The following MARCKS variants were observed in gnomAD, a reference collection of about 807,000 sequenced individuals.
The protein encoded by MARCKS is myristoylated alanine rich protein kinase C substrate.
MARCKS carries 4 observed loss-of-function variants against 6.3 expected under a neutral mutation model. The observed-to-expected ratio is 0.63, with a 90% confidence interval of 0.31 to 1.45. MARCKS has a LOEUF of 1.45. MARCKS is among the 40% of genes most tolerant of loss of function. MARCKS has a pLI of 0.07. For synonymous variants in MARCKS, 289 were observed against 236.5 expected, an observed-to-expected ratio of 1.22 and a Z score of -2.04; for missense variants, 636 against 485.7, an observed-to-expected ratio of 1.31 and a Z score of -2.91.
At chr6:113,858,266 CG>C (rs3837006) in intron 1 of MARCKS, among the ~76,000 whole-genome samples, 44 of 111,558 alleles carry the variant, frequency 3.9e-4, no homozygotes, top group Admixed American at 5.9e-4. Flanking sequence ...TTGTGTGTGG[CG>C]GGGGGGGGAG....
intron 1 of MARCKS, among the ~76,000 whole-genome samples, chr6:113,858,731 A>G (rs540089435): frequency 3.9e-5 from 6 of 152,322 alleles, no homozygotes; most frequent in African/African-American, 1.4e-4. Context: ...CTCTTTTCCT[A>G]GAGAAGAGAT....
At chr6:113,858,526 C>T (rs1022512028) in intron 1 of MARCKS, among the ~76,000 whole-genome samples, 2 of 152,200 alleles carry the variant, frequency 1.3e-5, no homozygotes, top group African/African-American at 4.8e-5. Context: ...TCGGTGGGTC[C>T]TTTAAGAACC....
Position 113,860,248 on chromosome 6 carries a change from C to T in MARCKS, c.668C>T (p.Ala223Val). 9.2e-7 allele frequency: 1 copy of T among 1,084,010 alleles called. No individual in the cohort carries two copies. The highest frequency in any genetic ancestry group is 1.1e-6 in the Non-Finnish European group (1 of 888,520). 67.1% of individuals were successfully genotyped at this position (1,084,010 alleles called of 1,614,324 possible). ...EQAAAPGEEAAAGEEGAAGGD... is the reference protein window; with the variant it reads ...EQAAAPGEEAVAGEEGAAGGD... Reference sequence around the variant, plus strand: ...GCAGCGGCGCCGGGCGAGGAGGCGGCAGCGGGCGAGGAGGGGGCGGCGGGT... The same window carrying T: ...GCAGCGGCGCCGGGCGAGGAGGCGGTAGCGGGCGAGGAGGGGGCGGCGGGT... The change falls in exon 2 of 2, where the codon GCA becomes GTA. Residue 223 changes from alanine to valine, a missense_variant. Physicochemically the swap from Ala to Val is moderately conservative, Grantham distance 64 (BLOSUM62 0). Transcript: ENST00000612661.
chr6:113,859,214 G>T (rs1327365278), intron 1 of MARCKS, among the ~76,000 whole-genome samples: 1 of 152,216 alleles, frequency 6.6e-6, no homozygotes, highest in Non-Finnish European at 1.5e-5. Context: ...CTGGTATTTT[G>T]AAGAGGCCTT....
At chr6:113,858,992 G>A (rs1774832016) in intron 1 of MARCKS, among the ~76,000 whole-genome samples, 1 of 152,090 alleles carries the variant, frequency 6.6e-6, no homozygotes, top group African/African-American at 2.4e-5. Flanking sequence ...TGCGCGATCC[G>A]GGCTCGGGGG....
rs779621026 is a variant in MARCKS at position 113,857,774 on chromosome 6, C to T, written c.29C>T (p.Ala10Val). 29 of 1,608,852 alleles carry T rather than the reference C, an allele frequency of 1.8e-5. No individual in the cohort carries two copies. The highest frequency in any genetic ancestry group is 2.5e-5 in the Non-Finnish European group (29 of 1,177,890). MGAQFSKTA[A>V]KGEAAAERPG... is the part of the protein sequence containing the mutation. The stretch of plus-strand genomic sequence containing the variant: ...GGTGCCCAGTTCTCCAAGACCGCAG[C>T]GAAGGGAGAAGCCGCCGCGGAGAGG... The change falls in exon 1 of 2, where the codon GCG becomes GTG. Residue 10 changes from alanine to valine, a missense_variant. Transcript: ENST00000612661.
chr6:113,857,509 C>G lies in MARCKS; in HGVS notation c.-237C>G, dbSNP rs1312298339. ...GTGCTCGACTTTTCCACCCTTTTTC[C>G]CTCCCTCCTGTGCTGCTGCTTTTTG... On this transcript the variant is annotated 5_prime_UTR_variant, in exon 1 of 2. Transcript: ENST00000612661. The G allele has an allele frequency of 2.1e-5, 10 of 481,816 alleles. No homozygotes were observed. Among genetic ancestry groups the G allele is most frequent in the Non-Finnish European group, 3.7e-5 (10 of 273,626 alleles). The allele number at this position is 481,816 out of a possible 1,614,324, so 29.8% of individuals were successfully genotyped here. A position where few individuals can be genotyped will look rare whatever the true frequency, so the allele number is the denominator to read the frequency against.
In MARCKS at chr6:113,859,927, C is replaced by G. The variant is rs761352233; in HGVS notation, c.347C>G (p.Pro116Arg). The change falls in exon 2 of 2, where the codon CCC becomes CGC. Residue 116 changes from proline to arginine, a missense_variant. Physicochemically the swap from Pro to Arg is moderately radical, Grantham distance 103 (BLOSUM62 -2). Coordinates refer to ENST00000612661, the MANE Select transcript of MARCKS (RefSeq NM_002356.7). ...EAPAEGEAAEPGSPTAAEGEA... is the reference protein window; with the variant it reads ...EAPAEGEAAERGSPTAAEGEA... Reference sequence around the variant, plus strand: ...CCCGCGGAAGGCGAGGCTGCCGAGCCCGGCTCGCCCACGGCCGCGGAGGGA... The same window carrying G: ...CCCGCGGAAGGCGAGGCTGCCGAGCGCGGCTCGCCCACGGCCGCGGAGGGA... 11 of 1,470,208 alleles carry G rather than the reference C, an allele frequency of 7.5e-6. No homozygotes were observed. Among genetic ancestry groups the G allele is most frequent in the Non-Finnish European group, 9.9e-6 (11 of 1,114,918 alleles). The allele number at this position is 1,470,208 out of a possible 1,614,324, so 91.1% of individuals were successfully genotyped here.
Position 113,860,519 on chromosome 6 carries a change from C to T in MARCKS, c.939C>T (p.Pro313=), listed in dbSNP as rs1774881280. ...CAGCCTCGTCAGCCTGCGCAGCCCCCTCACAGGAGGCCCAGCCCGAGTGCA... is the reference window on the plus strand; with the variant it reads ...CAGCCTCGTCAGCCTGCGCAGCCCCTTCACAGGAGGCCCAGCCCGAGTGCA... The part of the protein sequence containing the change: ...AAAASSACAA[P]SQEAQPECSP... The change falls in exon 2 of 2, where the codon CCC becomes CCT. Residue 313 remains proline (P), a synonymous_variant. Transcript: ENST00000612661. 6.4e-6 allele frequency: 10 copies of T among 1,551,972 alleles called. No homozygotes were observed. Among genetic ancestry groups the T allele is most frequent in the Non-Finnish European group, 8.7e-6 (10 of 1,153,334 alleles).
rs1252030023 is a variant in MARCKS at position 113,859,814 on chromosome 6, G to A, written c.234G>A (p.Gly78=). Residue 78 remains glycine (G), a synonymous_variant, in exon 2 of 2, where the codon GGG becomes GGA. Coordinates refer to ENST00000612661, the MANE Select transcript of MARCKS (RefSeq NM_002356.7). ...AGGAGCCCGCGGCCGCCGGGAGCGG[G>A]GCGGCGTCGCCCTCCGCGGCCGAGA... is the stretch of plus-strand genomic sequence containing the variant. The part of the protein sequence containing the change: ...DKEEPAAAGS[G]AASPSAAEKG... The A allele has an allele frequency of 7.6e-7, 1 of 1,321,258 alleles. No homozygotes were observed. The highest frequency in any genetic ancestry group is 9.6e-7 in the Non-Finnish European group (1 of 1,038,284). 81.8% of individuals were successfully genotyped at this position (1,321,258 alleles called of 1,614,324 possible).
chr6:113,857,684 C>T lies in MARCKS; in HGVS notation c.-62C>T. ...GCTGCTGCTCGCCCCGTCGTTACAC[C>T]AACCCGAGGCTCTTTGTTTCCCCTC... On this transcript the variant is annotated 5_prime_UTR_variant, in exon 1 of 2. Coordinates refer to ENST00000612661, the MANE Select transcript of MARCKS (RefSeq NM_002356.7). 4 of 1,361,670 alleles carry T rather than the reference C, an allele frequency of 2.9e-6. No individual in the cohort carries two copies. Among genetic ancestry groups the T allele is most frequent in the Non-Finnish European group, 4.0e-6 (4 of 990,158 alleles). The allele number at this position is 1,361,670 out of a possible 1,614,324, so 84.3% of individuals were successfully genotyped here. A position where few individuals can be genotyped will look rare whatever the true frequency, so the allele number is the denominator to read the frequency against.
In MARCKS at chr6:113,859,817, G is replaced by T; in HGVS notation, c.237G>T (p.Ala79=). ...AGCCCGCGGCCGCCGGGAGCGGGGCGGCGTCGCCCTCCGCGGCCGAGAAAG... is the reference window on the plus strand; with the variant it reads ...AGCCCGCGGCCGCCGGGAGCGGGGCTGCGTCGCCCTCCGCGGCCGAGAAAG... ...KEEPAAAGSG[A]ASPSAAEKGE... Residue 79 remains alanine (A), a synonymous_variant, in exon 2 of 2, where the codon GCG becomes GCT. Coordinates refer to ENST00000612661, the MANE Select transcript of MARCKS (RefSeq NM_002356.7). 1 of 1,299,364 alleles carries T rather than the reference G, an allele frequency of 7.7e-7. No individual in the cohort carries two copies. The highest frequency in any genetic ancestry group is 9.7e-7 in the Non-Finnish European group (1 of 1,026,036). 80.5% of individuals were successfully genotyped at this position (1,299,364 alleles called of 1,614,324 possible). A position where few individuals can be genotyped will look rare whatever the true frequency, so the allele number is the denominator to read the frequency against.
Position 113,857,798 on chromosome 6 carries a change from G to A in MARCKS, c.53G>A (p.Arg18Lys). The change falls in exon 1 of 2, where the codon AGG becomes AAG. Residue 18 changes from arginine to lysine, a missense_variant. Transcript: ENST00000612661. Reference protein sequence around the residue: ...TAAKGEAAAERPGEAAVASSP... With the variant: ...TAAKGEAAAEKPGEAAVASSP... ...GCGAAGGGAGAAGCCGCCGCGGAGA[G>A]GCCTGGGGAGGCGGCTGTGGCCTCG... 1.2e-6 allele frequency: 2 copies of A among 1,609,210 alleles called. No homozygotes were observed. Among genetic ancestry groups the A allele is most frequent in the South Asian group, 2.2e-5 (2 of 90,076 alleles).
At position 113,860,307 on chromosome 6, in the gene MARCKS, G is replaced by T. The variant is rs1454182953; in HGVS notation, c.727G>T (p.Ala243Ser). ...DPQEAKPQEA[A>S]VAPEKPPASD... ...GCAGGAGGCCAAGCCCCAGGAGGCC[G>T]CTGTCGCGCCAGAGAAGCCGCCCGC... Residue 243 changes from alanine (A) to serine (S), a missense_variant, in exon 2 of 2, where the codon GCT (alanine) becomes TCT (serine). Ala to Ser is a moderately conservative substitution (Grantham distance 99). Transcript: ENST00000612661. 4 of 1,288,332 alleles carry T rather than the reference G, an allele frequency of 3.1e-6. No homozygotes were observed. Among genetic ancestry groups the T allele is most frequent in the Non-Finnish European group, 4.0e-6 (4 of 992,354 alleles). The allele number at this position is 1,288,332 out of a possible 1,614,324, so 79.8% of individuals were successfully genotyped here. A position where few individuals can be genotyped will look rare whatever the true frequency, so the allele number is the denominator to read the frequency against.
At position 113,862,539 on chromosome 6, in the gene MARCKS, G is replaced by A. The variant is rs1159525822; in HGVS notation, c.*1960G>A. ...TTACCTCCTCTGCTCTTTGCCACCC[G>A]ATAACTGGATATCTTTTCCTTCAAA... On this transcript the variant is annotated 3_prime_UTR_variant, in exon 2 of 2. Coordinates refer to ENST00000612661, the MANE Select transcript of MARCKS (RefSeq NM_002356.7). 6.6e-6 allele frequency: 1 copy of A among 150,736 alleles called. No homozygotes were observed. Among genetic ancestry groups the A allele is most frequent in the South Asian group, 2.1e-4 (1 of 4,768 alleles). The allele number at this position is 150,736 out of a possible 1,614,324, so 9.3% of individuals were successfully genotyped here.
chr6:113,857,404 CTT>C lies in MARCKS; in HGVS notation c.-341_-340del, dbSNP rs1774801262. The C allele has an allele frequency of 3.9e-6, 1 of 255,760 alleles. No individual in the cohort carries two copies. 15.8% of individuals were successfully genotyped at this position (255,760 alleles called of 1,614,324 possible). Reference sequence around the variant, plus strand: ...ACCAGGGAGATTTCTCCATTTTCCTCTTGTCTACAGTGCGGCTACAAATCTGG... The same window carrying C: ...ACCAGGGAGATTTCTCCATTTTCCTCGTCTACAGTGCGGCTACAAATCTGG... On this transcript the variant is annotated 5_prime_UTR_variant, in exon 1 of 2. Transcript: ENST00000612661.
intron 1 of MARCKS, among the ~76,000 whole-genome samples, chr6:113,858,701 A>C (rs1296607281): frequency 1.3e-5 from 2 of 152,174 alleles, no homozygotes; most frequent in African/African-American, 4.8e-5. Context: ...TGCTTCGCAA[A>C]CACTGGGCAC....
rs1774925492 is a variant in MARCKS at position 113,862,954 on chromosome 6, T to C, written c.*2375T>C. 6.6e-6 allele frequency: 1 copy of C among 152,206 alleles called. No individual in the cohort carries two copies. The highest frequency in any genetic ancestry group is 2.4e-5 in the African/African-American group (1 of 41,462). 9.4% of individuals were successfully genotyped at this position (152,206 alleles called of 1,614,324 possible). ...GTCTTTCCTATCTTAACCAACGTTT[T>C]CTTAGTTACCTAGATGGCCAAGTAC... is the stretch of plus-strand genomic sequence containing the variant. On this transcript the variant is annotated 3_prime_UTR_variant, in exon 2 of 2. Transcript: ENST00000612661.
rs748486045 is a variant in MARCKS at position 113,860,177 on chromosome 6, C to T, written c.597C>T (p.Gly199=). The T allele has an allele frequency of 1.6e-6, 2 of 1,268,738 alleles. No homozygotes were observed. Among genetic ancestry groups the T allele is most frequent in the Non-Finnish European group, 2.0e-6 (2 of 997,586 alleles). The allele number at this position is 1,268,738 out of a possible 1,614,324, so 78.6% of individuals were successfully genotyped here. The change falls in exon 2 of 2, where the codon GGC becomes GGT. Residue 199 remains glycine (G), a synonymous_variant. Transcript: ENST00000612661. The part of the protein sequence containing the change: ...AEGGKDEAAG[G]AAAAAAEAGA... The stretch of plus-strand genomic sequence containing the variant: ...GCGGCAAGGACGAGGCCGCCGGGGG[C>T]GCAGCTGCGGCCGCCGCCGAGGCGG...
Sources: allele counts gnomAD v4.1 joint callset (sites outside exome capture counted in the v4.1 genomes callset), GRCh38; gene constraint gnomAD v4.1.1; transcripts MANE v1.5; gene names NCBI Gene and HGNC (gene_info 2026-07-23, HGNC 2026-07-21).